DIAPH3: variants seen among roughly 807,000 people sequenced by gnomAD.
DIAPH3 encodes protein diaphanous homolog 3.
DIAPH3 carries 117 observed loss-of-function variants against 144.3 expected under a neutral mutation model. The observed-to-expected ratio is 0.81, with a 90% CI of 0.70 to 0.95. DIAPH3 has a LOEUF of 0.95. Ranked by LOEUF, DIAPH3 falls within the 40% of genes least tolerant of loss-of-function variation. DIAPH3 has a pLI of 0.00. For missense variants in DIAPH3, 1,421 were observed against 1,412.7 expected (o/e 1.01, Z -0.09); for synonymous variants, 519 against 488.9 (o/e 1.06, Z -0.81).
intron 5 of DIAPH3, among the ~76,000 whole-genome samples, chr13:60,017,023 T>C (rs954027652): frequency 3.3e-5 from 5 of 152,166 alleles, no homozygotes; most frequent in East Asian, 1.9e-4. Flanking sequence ...AGAAAAGATA[T>C]ATGTGTGTAT....
At chr13:59,811,174 C>G (rs1451798802) in intron 24 of DIAPH3, among the ~76,000 whole-genome samples, 1 of 151,920 alleles carries the variant, frequency 6.6e-6, no homozygotes, top group Non-Finnish European at 1.5e-5. Flanking sequence ...ATGGAATTAA[C>G]TACCTAAAAG....
intron 1 of DIAPH3, among the ~76,000 whole-genome samples, chr13:60,137,438 AAGACAGATAAATTGTAGTAC>A (rs1281900909): frequency 6.6e-6 from 1 of 152,230 alleles, no homozygotes; most frequent in Non-Finnish European, 1.5e-5. Flanking sequence ...ACAAGTAACA[AAGACAGATAAATTGTAGTAC>A]ACAAAGCAAT....
intron 24 of DIAPH3, among the ~76,000 whole-genome samples, chr13:59,825,578 A>G (rs2041358480): frequency 6.6e-6 from 1 of 152,120 alleles, no homozygotes; most frequent in African/African-American, 2.4e-5. Context: ...GTCAAATGGT[A>G]TTTCTAGTTC....
At chr13:59,842,381 A>G (rs1378736748) in intron 22 of DIAPH3, among the ~76,000 whole-genome samples, 1 of 152,142 alleles carries the variant, frequency 6.6e-6, no homozygotes, top group Admixed American at 6.6e-5. Context: ...ATATGAGAAA[A>G]AGCACAGGGC....
At chr13:59,939,279 C>T (rs560462455) in intron 17 of DIAPH3, among the ~76,000 whole-genome samples, 6 of 152,220 alleles carry the variant, frequency 3.9e-5, no homozygotes, top group South Asian at 2.1e-4. Context: ...TACAAAATAA[C>T]GATTTCTCTT....
At chr13:59,952,851 T>C (rs181571712) in intron 17 of DIAPH3, among the ~76,000 whole-genome samples, 1 of 152,324 alleles carries the variant, frequency 6.6e-6, no homozygotes, top group East Asian at 1.9e-4. Flanking sequence ...AAGCATTCAT[T>C]TATCCAGCAA....
chr13:59,860,819 C>A (rs1303418349), intron 22 of DIAPH3, among the ~76,000 whole-genome samples: 6 of 152,018 alleles, frequency 3.9e-5, no homozygotes, highest in Non-Finnish European at 7.4e-5. Flanking sequence ...CATATTATAA[C>A]CAAGTATTAA....
intron 27 of DIAPH3, among the ~76,000 whole-genome samples, chr13:59,761,951 T>C (rs1193225381): frequency 6.6e-6 from 1 of 151,848 alleles, no homozygotes; most frequent in Non-Finnish European, 1.5e-5. Flanking sequence ...TCCAGTTCCT[T>C]ACAACTTGGG....
At chr13:60,152,984 A>G (rs1951867747) in intron 1 of DIAPH3, among the ~76,000 whole-genome samples, 1 of 152,114 alleles carries the variant, frequency 6.6e-6, no homozygotes, top group South Asian at 2.1e-4. Context: ...CTTAAGTCTT[A>G]TGTTTTTTCA....
At chr13:59,821,579 CT>C (rs2041078323) in intron 24 of DIAPH3, among the ~76,000 whole-genome samples, 1 of 152,032 alleles carries the variant, frequency 6.6e-6, no homozygotes, top group African/African-American at 2.4e-5. Flanking sequence ...AAATTATTTT[CT>C]TTGGTAACTA....
chr13:59,990,979 T>C (rs1221703752), intron 12 of DIAPH3, among the ~76,000 whole-genome samples, 179 bp downstream of exon 12: 1 of 151,930 alleles, frequency 6.6e-6, no homozygotes, highest in Non-Finnish European at 1.5e-5. Context: ...AAAGTAATAG[T>C]AATATCATTT....
intron 27 of DIAPH3, among the ~76,000 whole-genome samples, chr13:59,708,012 C>T (rs2034522946): frequency 6.6e-6 from 1 of 151,884 alleles, no homozygotes; most frequent in African/African-American, 2.4e-5. Context: ...AAAACCCTTC[C>T]CTTGATCCTA....
intron 27 of DIAPH3, among the ~76,000 whole-genome samples, chr13:59,766,783 G>T: frequency 1.5e-5 from 2 of 134,662 alleles, no homozygotes. Flanking sequence ...TCATATCTAG[G>T]CTTTCAAAAA....
At chr13:59,779,268 G>C (rs2038598854) in intron 25 of DIAPH3, among the ~76,000 whole-genome samples, 1 of 152,118 alleles carries the variant, frequency 6.6e-6, no homozygotes, top group Non-Finnish European at 1.5e-5. Flanking sequence ...TGAGACACTA[G>C]ACTATTATAT....
At chr13:59,912,669 A>T (rs921064644) in intron 19 of DIAPH3, among the ~76,000 whole-genome samples, 2 of 152,226 alleles carry the variant, frequency 1.3e-5, no homozygotes, top group African/African-American at 4.8e-5. Flanking sequence ...TATTAAAATT[A>T]AGATAAAAAA....
intron 4 of DIAPH3, among the ~76,000 whole-genome samples, chr13:60,088,866 C>T (rs1241509540): frequency 2.0e-5 from 3 of 152,180 alleles, no homozygotes; most frequent in African/African-American, 4.8e-5. Context: ...AAATGATCCA[C>T]CCGCCTCGGC....
chr13:60,147,648 T>C lies in DIAPH3; in HGVS notation c.181-14659A>G, dbSNP rs138125681. On this transcript the variant is annotated intron_variant, in intron 1 of 27. Coordinates refer to ENST00000400324, the MANE Select transcript of DIAPH3 (RefSeq NM_001042517.2). ...AAGCTTTCTAGACAGGAGGTCTAGC[T>C]TGTAAAAATACATTGCAATCATGCA... 9.5e-4 allele frequency among the ~76,000 whole-genome samples: 145 copies of C among 152,328 alleles called. 1 individual carries two copies. Among genetic ancestry groups the C allele is most frequent in the Non-Finnish European group, 1.7e-3 (116 of 68,028 alleles).
intron 27 of DIAPH3, among the ~76,000 whole-genome samples, chr13:59,714,513 C>A (rs918288259): frequency 6.6e-6 from 1 of 152,110 alleles, no homozygotes; most frequent in Non-Finnish European, 1.5e-5. Flanking sequence ...CTAGCCTGGG[C>A]AACACAGTGA....
At chr13:60,136,499 A>G (rs1218942854) in intron 1 of DIAPH3, among the ~76,000 whole-genome samples, 4 of 151,794 alleles carry the variant, frequency 2.6e-5, no homozygotes, top group South Asian at 2.1e-4. Flanking sequence ...AAAAGTTAGA[A>G]GCATACAGTT....
Sources: gnomAD v4.1 joint callset for allele counts (sites outside exome capture counted in the v4.1 genomes callset) on GRCh38, gnomAD v4.1.1 for gene constraint, MANE v1.5 for transcripts, NCBI Gene and HGNC (gene_info 2026-07-23, HGNC 2026-07-21) for gene names.